Variants in SHLD2 observed in about 807,000 individuals in gnomAD.
SHLD2 encodes the protein RINN1-REV7-interacting novel NHEJ regulator 2.
A neutral mutation model predicts 73.2 loss-of-function variants in SHLD2; 30 were observed. That is an observed-to-expected ratio of 0.41 (90% CI 0.31 to 0.56). The LOEUF (loss-of-function observed/expected upper bound fraction) is 0.56. Ranked by LOEUF, SHLD2 falls within the 20% of genes least tolerant of loss-of-function variation. The pLI is 0.28. For missense variants in SHLD2, 745 were observed against 1,055.9 expected, an observed-to-expected ratio of 0.71 and a Z score of 4.08; for synonymous variants, 285 against 370.1, an observed-to-expected ratio of 0.77 and a Z score of 2.64.
At chr10:87,098,768 A>C (rs1842073746) in intron 2 of SHLD2, among the ~76,000 whole-genome samples, 1 of 150,596 alleles carries the variant, frequency 6.6e-6, no homozygotes, top group Admixed American at 6.6e-5. Flanking sequence ...TTTGCAAAGT[A>C]AGGTTTTTTT....
chr10:87,166,192 T>C (rs1295035771), intron 4 of SHLD2, among the ~76,000 whole-genome samples: 1 of 152,042 alleles, frequency 6.6e-6, no homozygotes, highest in African/African-American at 2.4e-5. Context: ...GAAAAATAGA[T>C]ATGTAAAGAT....
chr10:87,157,097 T>G (rs1486905924), intron 3 of SHLD2, among the ~76,000 whole-genome samples: 1 of 152,100 alleles, frequency 6.6e-6, no homozygotes, highest in Admixed American at 6.5e-5. Flanking sequence ...TTTACTTGAT[T>G]AGCAGCATAG....
chr10:87,165,031 A>T (rs1202953277), intron 4 of SHLD2, among the ~76,000 whole-genome samples: 1 of 152,110 alleles, frequency 6.6e-6, no homozygotes, highest in Non-Finnish European at 1.5e-5. Context: ...TACAAAAAAT[A>T]GAAAAATTAA....
chr10:87,153,175 C>T (rs1245449497), intron 3 of SHLD2, among the ~76,000 whole-genome samples: 1 of 152,146 alleles, frequency 6.6e-6, no homozygotes, highest in African/African-American at 2.4e-5. Context: ...GTAATCCCAG[C>T]ACTTTGGGAG....
chr10:87,150,767 A>G (rs1367133757), intron 2 of SHLD2, among the ~76,000 whole-genome samples: 2 of 151,798 alleles, frequency 1.3e-5, no homozygotes, highest in African/African-American at 4.8e-5. Context: ...CTCAAATGAA[A>G]CAAACATACT....
intron 9 of SHLD2, among the ~76,000 whole-genome samples, chr10:87,187,830 A>G (rs2134776497): frequency 6.6e-6 from 1 of 152,316 alleles, no homozygotes; most frequent in East Asian, 1.9e-4. Context: ...GGAAACAGGC[A>G]TGCCTCTCGG....
chr10:87,099,111 C>G (rs985357507), intron 2 of SHLD2, among the ~76,000 whole-genome samples: 3 of 152,210 alleles, frequency 2.0e-5, no homozygotes, highest in African/African-American at 7.2e-5. Flanking sequence ...ATTTCCCATT[C>G]AAACGAAGAC....
chr10:87,099,166 C>A (rs1417249028), intron 2 of SHLD2, among the ~76,000 whole-genome samples: 1 of 152,188 alleles, frequency 6.6e-6, no homozygotes, highest in African/African-American at 2.4e-5. Context: ...TCCACAAAGT[C>A]AAATGAGTTT....
At chr10:87,094,831 C>A, upstream of SHLD2, 1 of 1,314,058 alleles carries the variant, frequency 7.6e-7, no homozygotes, top group Non-Finnish European at 1.0e-6. The surrounding 1 kb of genome is among the most constrained non-coding windows in gnomAD (Gnocchi z 6.6). Context: ...TCAGACTCCC[C>A]GCGACTAGGG....
At chr10:87,094,643 G>C, upstream of SHLD2, 1 of 1,605,022 alleles carries the variant, frequency 6.2e-7, no homozygotes, top group African/African-American at 1.3e-5. This position sits in a 1 kb window ranked among gnomAD's most constrained non-coding sequence, Gnocchi z 6.6. Context: ...GCCAGCCCCG[G>C]CTGCGGGGCG....
At chr10:87,094,875 C>T (rs1321008056), upstream of SHLD2, 6 of 820,798 alleles carry the variant, frequency 7.3e-6, no homozygotes, top group African/African-American at 3.6e-5. The surrounding 1 kb of genome is among the most constrained non-coding windows in gnomAD (Gnocchi z 6.6). Context: ...CCTTTTAAGC[C>T]GCAGCTTCCT....
At chr10:87,121,762 C>CTTTTTTTTT (rs571649405) in intron 2 of SHLD2, among the ~76,000 whole-genome samples, 5 of 130,992 alleles carry the variant, frequency 3.8e-5, no homozygotes, top group East Asian at 2.2e-4. Context: ...TTCTTTCTTT[C>CTTTTTTTTT]TTTTTTTTTT....
intron 2 of SHLD2, among the ~76,000 whole-genome samples, chr10:87,133,455 C>A (rs2760432): frequency 6.6e-6 from 1 of 152,136 alleles, no homozygotes; most frequent in Admixed American, 6.5e-5. Flanking sequence ...TTGTTTTCTA[C>A]TGCAGTCTAA....
intron 2 of SHLD2, among the ~76,000 whole-genome samples, chr10:87,143,910 C>T (rs1845392018): frequency 6.9e-6 from 1 of 145,918 alleles, no homozygotes; most frequent in African/African-American, 2.6e-5. Context: ...GTCGCCCAGG[C>T]TGGAGTACAG....
chr10:87,148,543 C>G (rs1423243901), intron 2 of SHLD2, among the ~76,000 whole-genome samples: 2 of 140,132 alleles, frequency 1.4e-5, no homozygotes, highest in Non-Finnish European at 3.0e-5. Flanking sequence ...ATGTAAGAAA[C>G]AACAAACAAG....
At chr10:87,147,078 A>G (rs1232081273) in intron 2 of SHLD2, among the ~76,000 whole-genome samples, 5 of 147,568 alleles carry the variant, frequency 3.4e-5, no homozygotes, top group African/African-American at 1.3e-4. Context: ...AAAAGAAAAA[A>G]AAAAAAAAAA....
At chr10:87,131,083 A>C (rs1030795711) in intron 2 of SHLD2, among the ~76,000 whole-genome samples, 7 of 151,534 alleles carry the variant, frequency 4.6e-5, no homozygotes, top group South Asian at 2.1e-4. Context: ...AAAAACAAAA[A>C]CCCCCCAAAA....
At chr10:87,172,732 TTA>T (rs764776441) in intron 6 of SHLD2, among the ~76,000 whole-genome samples, 160 of 152,008 alleles carry the variant, frequency 1.1e-3, no homozygotes, top group African/African-American at 3.8e-3. Flanking sequence ...ATAAATATTT[TTA>T]TGTTTATATA....
At chr10:87,181,157 G>A (rs937141468) in intron 8 of SHLD2, among the ~76,000 whole-genome samples, 2 of 149,986 alleles carry the variant, frequency 1.3e-5, no homozygotes, top group South Asian at 2.1e-4. Context: ...GGGGTGGGGG[G>A]ATCGCTTGAG....
Sources: gnomAD v4.1 joint callset for allele counts (sites outside exome capture counted in the v4.1 genomes callset) on GRCh38, gnomAD v4.1.1 for gene constraint, Gnocchi (gnomAD v3.1) non-coding constraint, MANE v1.5 for transcripts, NCBI Gene and HGNC (gene_info 2026-07-23, HGNC 2026-07-21) for gene names.